PDE5A: variants seen among roughly 807,000 people sequenced by gnomAD.
PDE5A encodes phosphodiesterase 5A, also known as cGMP-specific 3',5'-cyclic phosphodiesterase.
Under a neutral mutation model 110.2 loss-of-function variants are expected in PDE5A, and 67 were observed. That is an observed-to-expected ratio of 0.61 (90% CI 0.50 to 0.75). The LOEUF is 0.75. Ranked by LOEUF, PDE5A falls within the 30% of genes least tolerant of loss-of-function variation. The probability of loss-of-function intolerance (pLI) is 0.00; values close to 1 mark genes in which losing one functional copy is unlikely to be tolerated. For missense variants in PDE5A, 862 were observed against 1,045.1 expected (o/e 0.82, Z 2.42); for synonymous variants, 328 against 351.2 (o/e 0.93, Z 0.74).
chr4:119,549,797 C>G (rs1336461321), intron 9 of PDE5A: 2 of 152,126 alleles, frequency 1.3e-5, no homozygotes, highest in South Asian at 4.2e-4. Context: ...GTGTATTAGC[C>G]AGAGCACTAA....
intron 9 of PDE5A, among the ~76,000 whole-genome samples, chr4:119,546,681 A>G (rs1196594771): frequency 1.3e-5 from 2 of 149,138 alleles, no homozygotes; most frequent in Non-Finnish European, 3.0e-5. Context: ...AATAAAATTG[A>G]TGCAAATCTA....
At chr4:119,584,162 G>A (rs1728679638) in intron 3 of PDE5A, among the ~76,000 whole-genome samples, 1 of 152,146 alleles carries the variant, frequency 6.6e-6, no homozygotes, top group Non-Finnish European at 1.5e-5. Context: ...AGTAGGGGAA[G>A]TTCTCTTGTG....
At chr4:119,568,896 G>A (rs1728042878) in intron 3 of PDE5A, among the ~76,000 whole-genome samples, 1 of 152,094 alleles carries the variant, frequency 6.6e-6, no homozygotes, top group Non-Finnish European at 1.5e-5. Flanking sequence ...TAAAGAGAAA[G>A]CTCCTGCTCA....
chr4:119,602,638 C>T (rs1729384800), intron 2 of PDE5A, among the ~76,000 whole-genome samples: 1 of 152,118 alleles, frequency 6.6e-6, no homozygotes, highest in Admixed American at 6.5e-5. Flanking sequence ...TCTTTTTCTT[C>T]TAAAATTCAT....
At chr4:119,567,402 T>G (rs895843556) in intron 3 of PDE5A, among the ~76,000 whole-genome samples, 29 of 152,220 alleles carry the variant, frequency 1.9e-4, no homozygotes, top group African/African-American at 6.8e-4. Context: ...ACCCTGCATT[T>G]TGAATGAAAT....
chr4:119,525,725 T>G lies in PDE5A; in HGVS notation c.1633-30A>C, dbSNP rs201568244. On this transcript the variant is annotated intron_variant, in intron 11 of 20. Coordinates refer to ENST00000354960, the MANE Select transcript of PDE5A (RefSeq NM_001083.4). This position sits in a 1 kb window ranked among gnomAD's most constrained non-coding sequence, Gnocchi z 4.3. ...GGTAAGGAAAGAAGAAAAAAAAAAATGCTGTTAATTAAAGCAGCAGTGATT... is the reference window on the plus strand; with the variant it reads ...GGTAAGGAAAGAAGAAAAAAAAAAAGGCTGTTAATTAAAGCAGCAGTGATT... The G allele has an allele frequency of 2.0e-6, 3 of 1,527,486 alleles. No homozygotes were observed. Among genetic ancestry groups the G allele is most frequent in the Non-Finnish European group, 2.7e-6 (3 of 1,116,246 alleles). The allele number at this position is 1,527,486 out of a possible 1,614,324, so 94.6% of individuals were successfully genotyped here.
At chr4:119,624,631 A>G (rs1208048029) in intron 1 of PDE5A, among the ~76,000 whole-genome samples, 2 of 152,238 alleles carry the variant, frequency 1.3e-5, no homozygotes, top group Admixed American at 6.5e-5. Context: ...TGTACAAAAC[A>G]AAGCAATAAA....
chr4:119,555,071 T>TGGTTTCATA (rs1391054490), intron 7 of PDE5A, among the ~76,000 whole-genome samples: 1 of 152,148 alleles, frequency 6.6e-6, no homozygotes, highest in African/African-American at 2.4e-5. Context: ...CTTGGGACAG[T>TGGTTTCATA]GGTTTCATAT....
intron 2 of PDE5A, among the ~76,000 whole-genome samples, chr4:119,600,525 G>T (rs1350078046): frequency 6.6e-6 from 1 of 152,052 alleles, no homozygotes; most frequent in Non-Finnish European, 1.5e-5. Context: ...TCTAGGGCTA[G>T]GGCACGGAAA....
intron 7 of PDE5A, among the ~76,000 whole-genome samples, chr4:119,555,638 C>A (rs114517828): frequency 6.6e-6 from 1 of 151,908 alleles, no homozygotes; most frequent in South Asian, 2.1e-4. Context: ...TATTATTATT[C>A]TTCATCATCA....
chr4:119,531,712 C>G (rs1470290861), intron 11 of PDE5A, among the ~76,000 whole-genome samples: 2 of 152,062 alleles, frequency 1.3e-5, no homozygotes, highest in African/African-American at 4.8e-5. Flanking sequence ...CCTCCCCCAC[C>G]TATTGCCACT....
chr4:119,603,534 A>G (rs1729420379), intron 2 of PDE5A, among the ~76,000 whole-genome samples: 1 of 152,222 alleles, frequency 6.6e-6, no homozygotes, highest in Admixed American at 6.5e-5. Flanking sequence ...TTATGGGTCT[A>G]CATGAGAATC....
intron 19 of PDE5A, 196 bp downstream of exon 19, chr4:119,502,385 A>G (rs1295566037): frequency 6.8e-6 from 3 of 444,352 alleles, no homozygotes; most frequent in African/African-American, 2.0e-5. Flanking sequence ...GATGAACCCA[A>G]GAGTCTTTAT....
intron 3 of PDE5A, among the ~76,000 whole-genome samples, chr4:119,570,655 T>G (rs1728108088): frequency 6.6e-6 from 1 of 152,166 alleles, no homozygotes; most frequent in African/African-American, 2.4e-5. Flanking sequence ...AATTTCTTCT[T>G]CAATAAGCAG....
intron 11 of PDE5A, among the ~76,000 whole-genome samples, chr4:119,527,956 G>C (rs888124091): frequency 6.6e-6 from 1 of 151,748 alleles, no homozygotes; most frequent in Admixed American, 6.6e-5. Context: ...TGAATTCTTG[G>C]ACAAAACAGT....
chr4:119,521,675 G>A (rs1348928272), intron 12 of PDE5A, among the ~76,000 whole-genome samples: 2 of 151,532 alleles, frequency 1.3e-5, no homozygotes, highest in Non-Finnish European at 3.0e-5. Context: ...GTTACTGCCT[G>A]GTTACAAAGA....
intron 2 of PDE5A, among the ~76,000 whole-genome samples, 172 bp downstream of exon 2, chr4:119,606,537 T>C (rs556291399): frequency 5.9e-5 from 9 of 152,290 alleles, no homozygotes; most frequent in African/African-American, 2.2e-4. Flanking sequence ...CATTTAAAGA[T>C]GGGAAAATTC....
intron 3 of PDE5A, among the ~76,000 whole-genome samples, chr4:119,576,933 A>C (rs1006380126): frequency 6.8e-6 from 1 of 147,376 alleles, no homozygotes; most frequent in Non-Finnish European, 1.5e-5. Flanking sequence ...AAATTGATAG[A>C]CTGCTAGCAA....
intron 10 of PDE5A, 155 bp from the exon 11 acceptor site, chr4:119,539,174 A>G (rs1726834330): frequency 1.5e-6 from 1 of 649,934 alleles, no homozygotes; most frequent in Non-Finnish European, 2.8e-6. Flanking sequence ...AACAGTGAAA[A>G]ACCCAGATTT....
Sources: gnomAD v4.1 joint callset for allele counts (sites outside exome capture counted in the v4.1 genomes callset) on GRCh38, gnomAD v4.1.1 for gene constraint, Gnocchi (gnomAD v3.1) non-coding constraint, MANE v1.5 for transcripts, NCBI Gene and HGNC (gene_info 2026-07-23, HGNC 2026-07-21) for gene names.